SH2D4B: variants seen among roughly 807,000 people sequenced by gnomAD.
SH2D4B encodes SH2 domain-containing protein 4B.
Under a neutral mutation model 61.5 loss-of-function variants are expected in SH2D4B, and 45 were observed. That is an observed-to-expected ratio of 0.73 (90% CI 0.58 to 0.94). SH2D4B has a LOEUF of 0.94. SH2D4B is among the 40% of genes least tolerant of loss of function. SH2D4B has a pLI of 0.00. For synonymous variants in SH2D4B, 224 were observed against 220.4 expected, an observed-to-expected ratio of 1.02 and a Z score of -0.14; for missense variants, 572 against 574.2, an observed-to-expected ratio of 1.00 and a Z score of 0.04.
At chr10:80,640,562 T>G (rs533653735) in intron 7 of SH2D4B, among the ~76,000 whole-genome samples, 1 of 152,334 alleles carries the variant, frequency 6.6e-6, no homozygotes, top group South Asian at 2.1e-4. Context: ...TGATACCCTT[T>G]CTTCCACTTG....
intron 3 of SH2D4B, among the ~76,000 whole-genome samples, chr10:80,582,694 G>A (rs913337221): frequency 2.0e-5 from 3 of 152,148 alleles, no homozygotes; most frequent in African/African-American, 7.2e-5. Flanking sequence ...ACCATTCCTG[G>A]GGGGACTAAC....
intron 4 of SH2D4B, among the ~76,000 whole-genome samples, chr10:80,596,485 AG>A (rs1204768404): frequency 1.3e-5 from 2 of 152,172 alleles, no homozygotes; most frequent in African/African-American, 2.4e-5. Context: ...GCGCAAATGA[AG>A]GCTTTTCTTT....
chr10:80,563,852 C>T (rs2069801579), intron 1 of SH2D4B, among the ~76,000 whole-genome samples: 3 of 152,168 alleles, frequency 2.0e-5, no homozygotes, highest in African/African-American at 7.2e-5. Flanking sequence ...ATCTATATAT[C>T]ATCCTTAGGA....
At chr10:80,628,917 C>A (rs1842796269) in intron 6 of SH2D4B, among the ~76,000 whole-genome samples, 1 of 151,832 alleles carries the variant, frequency 6.6e-6, no homozygotes, top group Admixed American at 6.6e-5. Context: ...GTAATCCCAG[C>A]TACTCAGGAG....
At chr10:80,608,941 G>A (rs539489513) in intron 5 of SH2D4B, among the ~76,000 whole-genome samples, 2 of 152,246 alleles carry the variant, frequency 1.3e-5, no homozygotes, top group South Asian at 4.1e-4. Flanking sequence ...CTAAGGAGGG[G>A]ACAAGACCCA....
intron 6 of SH2D4B, among the ~76,000 whole-genome samples, chr10:80,630,690 A>G (rs1162648309): frequency 2.0e-5 from 3 of 152,212 alleles, no homozygotes; most frequent in Non-Finnish European, 4.4e-5. Context: ...CCTAACTTGC[A>G]CAAAGGTAGA....
intron 6 of SH2D4B, among the ~76,000 whole-genome samples, chr10:80,616,093 G>T (rs1415286935): frequency 1.3e-5 from 2 of 151,712 alleles, no homozygotes; most frequent in African/African-American, 4.9e-5. Flanking sequence ...AGATGACACT[G>T]ATTTAGCCTT....
rs375761453 is a variant in SH2D4B, at chr10:80,610,163, T to C, written c.988+612T>C. Among the ~76,000 whole-genome samples the C allele has an allele frequency of 2.1e-3, 318 of 152,318 alleles. 3 individuals are homozygous for C. The highest frequency in any genetic ancestry group is 7.4e-3 in the African/African-American group (309 of 41,574). ...TTCTGTCTTCCAGCAGCTCTTTGCA[T>C]GGCTGGCACATTCTCATTTTCCATC... On this transcript the variant is annotated intron_variant, in intron 6 of 7. Coordinates refer to ENST00000646907, the MANE Select transcript of SH2D4B (RefSeq NM_001388272.1).
intron 1 of SH2D4B, among the ~76,000 whole-genome samples, chr10:80,552,252 G>A (rs1279385082): frequency 6.6e-6 from 1 of 152,150 alleles, no homozygotes. Context: ...GGACCAGCAG[G>A]GAGCCTGAGT....
intron 4 of SH2D4B, among the ~76,000 whole-genome samples, chr10:80,600,902 G>A: frequency 6.6e-6 from 1 of 152,136 alleles, no homozygotes; most frequent in East Asian, 1.9e-4. Flanking sequence ...CGAGCTTCTA[G>A]TTTTTAGTTT....
chr10:80,549,462 T>G (rs371021391), intron 1 of SH2D4B, among the ~76,000 whole-genome samples: 3 of 152,276 alleles, frequency 2.0e-5, no homozygotes, highest in East Asian at 3.9e-4. Context: ...GAGACAGCTG[T>G]GCAGATGAGT....
intron 4 of SH2D4B, among the ~76,000 whole-genome samples, chr10:80,601,912 G>A (rs1344535046): frequency 6.6e-6 from 1 of 152,192 alleles, no homozygotes; most frequent in East Asian, 1.9e-4. Context: ...TGGGGCATTA[G>A]CCTGGTGCAA....
At chr10:80,545,302 C>T (rs75818443) in intron 1 of SH2D4B, among the ~76,000 whole-genome samples, 2,273 of 152,184 alleles carry the variant, frequency 0.015, 53 homozygotes, top group African/African-American at 0.052. Context: ...TTTCTGTCTC[C>T]GCGAATTTGC....
chr10:80,577,963 A>T (rs915906780), intron 3 of SH2D4B, among the ~76,000 whole-genome samples: 2 of 150,496 alleles, frequency 1.3e-5, no homozygotes, highest in African/African-American at 4.9e-5. Context: ...GGCTTAGATA[A>T]TTTTTTTTCT....
chr10:80,578,757 T>G (rs1589342656), intron 3 of SH2D4B, among the ~76,000 whole-genome samples: 1 of 152,266 alleles, frequency 6.6e-6, no homozygotes, highest in East Asian at 1.9e-4. Flanking sequence ...ATGATGTGAT[T>G]CAAGTGATGA....
intron 7 of SH2D4B, among the ~76,000 whole-genome samples, chr10:80,640,482 C>G (rs555850964): frequency 6.6e-6 from 1 of 152,072 alleles, no homozygotes; most frequent in Non-Finnish European, 1.5e-5. Context: ...AGGCTTTGTT[C>G]GGTTCTTTTT....
intron 6 of SH2D4B, among the ~76,000 whole-genome samples, chr10:80,623,371 A>C (rs1206494981): frequency 1.3e-5 from 2 of 152,230 alleles, no homozygotes; most frequent in African/African-American, 4.8e-5. Context: ...CACAGCATAA[A>C]GGTAGAAGAG....
At chr10:80,609,241 A>G (rs74143199) in intron 5 of SH2D4B, among the ~76,000 whole-genome samples, 183 bp from the exon 6 acceptor site, 1,893 of 152,214 alleles carry the variant, frequency 0.012, 37 homozygotes, top group African/African-American at 0.044. Flanking sequence ...AGGCATGGAT[A>G]TGGGCACCAT....
At position 80,583,296 on chromosome 10, in the gene SH2D4B, G is replaced by T. The variant is rs75710327; in HGVS notation, c.496-5334G>T. Among the ~76,000 whole-genome samples the T allele has an allele frequency of 3.5e-3, 297 of 83,730 alleles. 1 individual carries two copies. The highest frequency in any genetic ancestry group is 0.021 in the African/African-American group (292 of 14,192). The allele number at this position is 83,730 out of a possible 152,430, so 54.9% of individuals were successfully genotyped here. On this transcript the variant is annotated intron_variant, in intron 3 of 7. Transcript: ENST00000646907. ...AAGAATGAGAGCTTGGAAATTACACGTGATAGCTGAAATAAAAAACTCAGT... is the reference window on the plus strand; with the variant it reads ...AAGAATGAGAGCTTGGAAATTACACTTGATAGCTGAAATAAAAAACTCAGT...
Sources: allele counts gnomAD v4.1 joint callset (sites outside exome capture counted in the v4.1 genomes callset), GRCh38; gene constraint gnomAD v4.1.1; transcripts MANE v1.5; gene names NCBI Gene and HGNC (gene_info 2026-07-23, HGNC 2026-07-21).